The following HTR4 variants were observed in gnomAD, a reference collection of about 807,000 sequenced individuals.
The protein encoded by HTR4 is 5-hydroxytryptamine receptor 4.
A neutral mutation model predicts 36.8 loss-of-function variants in HTR4; 16 were observed. The ratio of observed to expected loss-of-function variants is 0.43; its 90% confidence interval spans 0.29 to 0.66. HTR4 has a LOEUF of 0.66. Ranked by LOEUF, HTR4 falls within the 30% of genes least tolerant of loss-of-function variation. The pLI is 0.13. For missense variants in HTR4, 438 were observed against 490.9 expected (o/e 0.89, Z 1.02); for synonymous variants, 189 against 185.1 (o/e 1.02, Z -0.17).
At chr5:148,531,828 T>A (rs1266076039) in intron 4 of HTR4, among the ~76,000 whole-genome samples, 1 of 152,192 alleles carries the variant, frequency 6.6e-6, no homozygotes, top group Non-Finnish European at 1.5e-5. Flanking sequence ...TGAAGTCTTA[T>A]TTTCTGCAGG....
chr5:148,605,235 C>T (rs914894163), intron 2 of HTR4, among the ~76,000 whole-genome samples: 2 of 146,560 alleles, frequency 1.4e-5, no homozygotes, highest in African/African-American at 5.1e-5. Context: ...CCACAGATTG[C>T]ATTTTCTTTT....
intron 2 of HTR4, among the ~76,000 whole-genome samples, chr5:148,602,832 A>G (rs909737389): frequency 6.6e-6 from 1 of 152,168 alleles, no homozygotes; most frequent in Admixed American, 6.5e-5. Context: ...TTCTACAAAC[A>G]TCACAAAAGT....
chr5:148,463,234 A>G (rs1755330759), intron 5 of HTR4, among the ~76,000 whole-genome samples: 1 of 119,028 alleles, frequency 8.4e-6, no homozygotes, highest in South Asian at 2.7e-4. Flanking sequence ...GTGCAGTGGT[A>G]CAATCTTGGC....
intron 4 of HTR4, among the ~76,000 whole-genome samples, chr5:148,539,315 G>A (rs1156760731): frequency 6.6e-6 from 1 of 152,130 alleles, no homozygotes; most frequent in Non-Finnish European, 1.5e-5. Flanking sequence ...ATAGGAACAG[G>A]CAAAGATTTC....
At chr5:148,546,632 C>T (rs1436895780) in intron 4 of HTR4, among the ~76,000 whole-genome samples, 2 of 152,170 alleles carry the variant, frequency 1.3e-5, no homozygotes, top group Non-Finnish European at 2.9e-5. Flanking sequence ...TCTACACTTT[C>T]TCCCATTTTT....
chr5:148,639,942 T>C (rs977061334), intron 1 of HTR4, among the ~76,000 whole-genome samples: 1 of 152,170 alleles, frequency 6.6e-6, no homozygotes, highest in Non-Finnish European at 1.5e-5. Flanking sequence ...AGTTGCCCTT[T>C]ACTACGTGTT....
At chr5:148,481,117 C>A (rs1049285412), downstream of HTR4, among the ~76,000 whole-genome samples, 1 of 152,194 alleles carries the variant, frequency 6.6e-6, no homozygotes, top group Admixed American at 6.5e-5. Flanking sequence ...GCAGCCACAG[C>A]AGATTGGTTG....
At chr5:148,494,940 T>C (rs749165955) in intron 6 of HTR4, among the ~76,000 whole-genome samples, 2 of 152,232 alleles carry the variant, frequency 1.3e-5, no homozygotes, top group Non-Finnish European at 2.9e-5. Context: ...ACAGCCTGTT[T>C]ATCACAGGGA....
chr5:148,514,309 G>A (rs776643887), intron 5 of HTR4, among the ~76,000 whole-genome samples: 7 of 152,080 alleles, frequency 4.6e-5, no homozygotes, highest in African/African-American at 1.2e-4. Context: ...TTAAAAAATC[G>A]TGAATGGGTA....
chr5:148,586,868 C>G (rs1761367206), intron 2 of HTR4, among the ~76,000 whole-genome samples: 1 of 152,184 alleles, frequency 6.6e-6, no homozygotes, highest in South Asian at 2.1e-4. Flanking sequence ...CTCACCCACT[C>G]CTTTACTCTC....
At chr5:148,639,617 G>GTATATATATATATATATATATA (rs370514542) in intron 1 of HTR4, among the ~76,000 whole-genome samples, 117 of 111,794 alleles carry the variant, frequency 1.0e-3, no homozygotes, top group African/African-American at 3.2e-3. Flanking sequence ...TTTCTTCCCA[G>GTATATATATATATATATATATA]TATATATATA....
chr5:148,652,234 T>C (rs1754061254), intron 1 of HTR4, among the ~76,000 whole-genome samples: 1 of 152,040 alleles, frequency 6.6e-6, no homozygotes, highest in African/African-American at 2.4e-5. Context: ...ACAAAATAGA[T>C]TTAAGAGGTA....
intron 6 of HTR4, among the ~76,000 whole-genome samples, chr5:148,505,238 A>G (rs1184670553): frequency 6.6e-6 from 1 of 152,208 alleles, no homozygotes; most frequent in Admixed American, 6.5e-5. Flanking sequence ...CAATAAACGT[A>G]ATCCAGCATA....
At chr5:148,651,872 AC>A in intron 1 of HTR4, among the ~76,000 whole-genome samples, 1 of 152,186 alleles carries the variant, frequency 6.6e-6, no homozygotes, top group East Asian at 1.9e-4. Context: ...TCTTGCTACA[AC>A]CAAGAACATC....
chr5:148,595,592 G>T (rs1484237140), intron 2 of HTR4, among the ~76,000 whole-genome samples: 2 of 152,068 alleles, frequency 1.3e-5, no homozygotes, highest in Admixed American at 6.5e-5. Context: ...AACAGGAAAA[G>T]TCTTCATATA....
chr5:148,514,732 T>C (rs1215828337), intron 5 of HTR4, among the ~76,000 whole-genome samples: 1 of 152,164 alleles, frequency 6.6e-6, no homozygotes, highest in African/African-American at 2.4e-5. Flanking sequence ...TATTATAAGG[T>C]TATCATGTAT....
At chr5:148,461,650 A>G (rs1755280645) in intron 5 of HTR4, among the ~76,000 whole-genome samples, 1 of 152,082 alleles carries the variant, frequency 6.6e-6, no homozygotes, top group African/African-American at 2.4e-5. Flanking sequence ...GGAGAAATAG[A>G]TAAATTCACG....
intron 6 of HTR4, among the ~76,000 whole-genome samples, chr5:148,499,325 G>A (rs1166657377): frequency 3.9e-5 from 6 of 152,104 alleles, no homozygotes; most frequent in African/African-American, 1.4e-4. Flanking sequence ...TAAAATGGAA[G>A]GAGGTCTCTA....
intron 5 of HTR4, among the ~76,000 whole-genome samples, chr5:148,468,831 A>G (rs1412093867): frequency 6.6e-6 from 1 of 152,154 alleles, no homozygotes; most frequent in African/African-American, 2.4e-5. Context: ...TCATAGAAGC[A>G]GTTACCCCCA....
Sources: gnomAD v4.1 joint callset for allele counts (sites outside exome capture counted in the v4.1 genomes callset) on GRCh38, gnomAD v4.1.1 for gene constraint, MANE v1.5 for transcripts, NCBI Gene and HGNC (gene_info 2026-07-23, HGNC 2026-07-21) for gene names.